The following CTDSPL2 variants were observed in gnomAD, a reference collection of about 807,000 sequenced individuals.
CTDSPL2 encodes the protein CTD small phosphatase-like protein 2.
In CTDSPL2, 5 loss-of-function variants were observed where a neutral mutation model predicts 60.0. That is an observed-to-expected ratio of 0.08 (90% CI 0.04 to 0.18). The LOEUF is 0.18. Ranked by LOEUF, CTDSPL2 falls within the 10% of genes least tolerant of loss-of-function variation. The probability of loss-of-function intolerance (pLI) is 1.00; values close to 1 mark genes in which losing one functional copy is unlikely to be tolerated. For synonymous variants in CTDSPL2, 186 were observed against 189.3 expected, an observed-to-expected ratio of 0.98 and a Z score of 0.14; for missense variants, 370 against 548.8, an observed-to-expected ratio of 0.67 and a Z score of 3.26.
rs1252915684 is a variant in CTDSPL2 at position 44,526,714 on chromosome 15, T to C, written c.*2540T>C. On this transcript the variant is annotated 3_prime_UTR_variant, in exon 13 of 13. Coordinates refer to ENST00000260327, the MANE Select transcript of CTDSPL2 (RefSeq NM_016396.3). ...CCCATTATCCTCTCTTTTCTTTATC[T>C]GTTGGTAGATGTAAAAAACTTCCAT... 1 of 152,186 alleles carries C rather than the reference T, an allele frequency of 6.6e-6. No homozygotes were observed. The highest frequency in any genetic ancestry group is 1.9e-4 in the East Asian group (1 of 5,202). The allele number at this position is 152,186 out of a possible 1,614,324, so 9.4% of individuals were successfully genotyped here.
At chr15:44,433,978 T>C (rs897866554) in intron 1 of CTDSPL2, among the ~76,000 whole-genome samples, 10 of 151,400 alleles carry the variant, frequency 6.6e-5, no homozygotes, top group Non-Finnish European at 1.0e-4. Flanking sequence ...TCAGTGTATA[T>C]TTTAAGAGTG....
At chr15:44,509,798 C>T (rs1418279054) in intron 8 of CTDSPL2, among the ~76,000 whole-genome samples, 1 of 150,922 alleles carries the variant, frequency 6.6e-6, no homozygotes, top group Non-Finnish European at 1.5e-5. Context: ...TGGTGGCATG[C>T]GCCTATAGCC....
intron 2 of CTDSPL2, among the ~76,000 whole-genome samples, chr15:44,472,830 ATTTT>A (rs975719205): frequency 6.6e-6 from 1 of 152,034 alleles, no homozygotes; most frequent in Non-Finnish European, 1.5e-5. Context: ...AGTCCAACTA[ATTTT>A]TTTTATTTTT....
chr15:44,492,294 C>A (rs2081229574), intron 5 of CTDSPL2, among the ~76,000 whole-genome samples: 1 of 152,116 alleles, frequency 6.6e-6, no homozygotes, highest in Admixed American at 6.5e-5. Flanking sequence ...TATGACTGAG[C>A]CACTGCAATC....
chr15:44,509,189 A>T (rs934879782), intron 8 of CTDSPL2, among the ~76,000 whole-genome samples: 8 of 151,878 alleles, frequency 5.3e-5, no homozygotes, highest in Non-Finnish European at 8.8e-5. Flanking sequence ...TGCCTTTTTT[A>T]TTTTTATTTT....
chr15:44,484,016 A>C (rs1188330013), intron 2 of CTDSPL2, among the ~76,000 whole-genome samples: 11 of 152,176 alleles, frequency 7.2e-5, no homozygotes, highest in African/African-American at 2.7e-4. Flanking sequence ...GGATGCTGTA[A>C]TTGTATTTGT....
chr15:44,458,957 A>T (rs2080504758), intron 1 of CTDSPL2, 34 bp from the exon 2 acceptor site: 1 of 1,336,764 alleles, frequency 7.5e-7, no homozygotes, highest in Admixed American at 2.6e-5. Context: ...ATAACTTTTA[A>T]TTTTTTATTA....
intron 7 of CTDSPL2, among the ~76,000 whole-genome samples, chr15:44,498,310 T>C (rs1456757449): frequency 6.6e-6 from 1 of 152,174 alleles, no homozygotes; most frequent in African/African-American, 2.4e-5. Context: ...TTAGCTCTCA[T>C]AGAAAATTTA....
At chr15:44,435,798 G>A (rs959563159) in intron 1 of CTDSPL2, among the ~76,000 whole-genome samples, 3 of 151,894 alleles carry the variant, frequency 2.0e-5, no homozygotes, top group African/African-American at 7.2e-5. Context: ...GTAGAGACGG[G>A]GTTTCGCCAT....
intron 1 of CTDSPL2, among the ~76,000 whole-genome samples, chr15:44,452,859 G>C (rs1246625002): frequency 1.3e-5 from 2 of 151,630 alleles, no homozygotes; most frequent in African/African-American, 4.8e-5. Context: ...TCATATTTTT[G>C]CCTGTTTTTT....
chr15:44,433,529 C>G (rs1023364380), intron 1 of CTDSPL2, among the ~76,000 whole-genome samples: 1 of 151,750 alleles, frequency 6.6e-6, no homozygotes. Context: ...GTTGCCCGGG[C>G]TGGAGTGCAG....
intron 2 of CTDSPL2, among the ~76,000 whole-genome samples, chr15:44,474,919 C>T (rs538719510): frequency 7.9e-5 from 12 of 152,126 alleles, no homozygotes; most frequent in African/African-American, 2.9e-4. Flanking sequence ...CTATATACAC[C>T]GTTGCTCTTG....
intron 2 of CTDSPL2, among the ~76,000 whole-genome samples, chr15:44,474,076 C>T (rs1485973297): frequency 6.6e-6 from 1 of 152,140 alleles, no homozygotes; most frequent in African/African-American, 2.4e-5. Flanking sequence ...AGTCTACCTG[C>T]CTCGCCTTCC....
In CTDSPL2 at chr15:44,524,094, C is replaced by G; in HGVS notation, c.1336-15C>G. The G allele has an allele frequency of 1.2e-6, 2 of 1,611,576 alleles. No individual in the cohort carries two copies. Among genetic ancestry groups the G allele is most frequent in the Non-Finnish European group, 1.7e-6 (2 of 1,178,118 alleles). On this transcript the variant is annotated splice_polypyrimidine_tract_variant and intron_variant, in intron 12 of 12. Transcript: ENST00000260327. ...AATTTTATGCCTTTTTAAAAATTGT[C>G]TTTTTTCCACGCAGAATGAAGATGT...
chr15:44,454,775 C>T (rs188407022), intron 1 of CTDSPL2, among the ~76,000 whole-genome samples: 225 of 152,196 alleles, frequency 1.5e-3, no homozygotes, highest in Admixed American at 4.8e-3. Context: ...TGTTCAGTCC[C>T]ATTGGTCTAT....
intron 2 of CTDSPL2, among the ~76,000 whole-genome samples, chr15:44,471,701 A>G (rs996109630): frequency 4.6e-5 from 7 of 152,166 alleles, no homozygotes; most frequent in African/African-American, 1.7e-4. Flanking sequence ...CATGCACAGA[A>G]TTGTGCAACC....
chr15:44,429,820 C>T (rs1342190978), intron 1 of CTDSPL2, among the ~76,000 whole-genome samples: 1 of 152,138 alleles, frequency 6.6e-6, no homozygotes, highest in Non-Finnish European at 1.5e-5. Context: ...GAGCTGAAGA[C>T]CACCCCACTG....
intron 1 of CTDSPL2, among the ~76,000 whole-genome samples, chr15:44,438,310 C>A (rs2080018582): frequency 6.6e-6 from 1 of 151,510 alleles, no homozygotes; most frequent in Admixed American, 6.6e-5. Context: ...TGAAAACAGA[C>A]TGGGAAGTAG....
At chr15:44,484,667 G>A (rs1052526877) in intron 3 of CTDSPL2, among the ~76,000 whole-genome samples, 5 of 152,208 alleles carry the variant, frequency 3.3e-5, no homozygotes, top group Non-Finnish European at 7.3e-5. Context: ...TGGAACCCGG[G>A]AGGCAGAGGT....
Sources: allele counts gnomAD v4.1 joint callset (sites outside exome capture counted in the v4.1 genomes callset), GRCh38; gene constraint gnomAD v4.1.1; transcripts MANE v1.5; gene names NCBI Gene and HGNC (gene_info 2026-07-23, HGNC 2026-07-21).